The following NNT variants were observed in gnomAD, a reference collection of about 807,000 sequenced individuals.
NNT encodes NAD(P) transhydrogenase, mitochondrial.
Under a neutral mutation model 104.8 loss-of-function variants are expected in NNT, and 50 were observed. The ratio of observed to expected loss-of-function variants is 0.48; its 90% CI spans 0.38 to 0.60. NNT has a LOEUF of 0.60. Among genes scored for constraint, NNT ranks in the 20% least tolerant of loss-of-function variants. The pLI is 0.00. For synonymous variants in NNT, 461 were observed against 490.4 expected (o/e 0.94, Z 0.79); for missense variants, 1,131 against 1,330.7 (o/e 0.85, Z 2.33).
At chr5:43,682,999 C>A (rs1281105913) in intron 19 of NNT, among the ~76,000 whole-genome samples, 5 of 152,162 alleles carry the variant, frequency 3.3e-5, no homozygotes, top group Non-Finnish European at 7.3e-5. Flanking sequence ...CACCAGAGAA[C>A]AGCTGTAACA....
intron 10 of NNT, chr5:43,648,275 G>A: frequency 9.9e-7 from 1 of 1,013,940 alleles, no homozygotes; most frequent in Non-Finnish European, 1.2e-6. Flanking sequence ...CACTTCCAAA[G>A]TAATAGTTTA....
upstream of NNT, chr5:43,602,757 C>T (rs1022949691): frequency 6.6e-6 from 1 of 152,282 alleles, no homozygotes; most frequent in East Asian, 1.9e-4. Context: ...AAGGCAGGTA[C>T]CCGGAGTGGA....
chr5:43,651,930 T>C (rs760511177), intron 13 of NNT, 46 bp downstream of exon 13: 1 of 1,582,798 alleles, frequency 6.3e-7, no homozygotes, highest in Non-Finnish European at 8.7e-7. Context: ...AATATTTTCT[T>C]CTCTATTAGA....
At chr5:43,616,406 A>G (rs542514506) in intron 4 of NNT, among the ~76,000 whole-genome samples, 3 of 152,330 alleles carry the variant, frequency 2.0e-5, no homozygotes, top group East Asian at 3.9e-4. Flanking sequence ...TACTGTTTTT[A>G]TAGGTCAAAA....
rs138514532 is a variant in NNT at position 43,628,294 on chromosome 5, G to C, written c.871G>C (p.Glu291Gln). The part of the protein sequence containing the change: ...SGEGQGGYAK[E>Q]MSKEFIEAEM... Reference sequence around the variant, plus strand: ...TGAGGGACAAGGAGGATATGCAAAAGAGATGTCCAAAGAGTTCATTGAAGC... The same window carrying C: ...TGAGGGACAAGGAGGATATGCAAAACAGATGTCCAAAGAGTTCATTGAAGC... Residue 291 changes from glutamate (E) to glutamine (Q), a missense_variant, in exon 7 of 22, where the codon GAG becomes CAG. By Grantham distance (29) the Glu-to-Gln change is conservative (BLOSUM62 2). Transcript: ENST00000344920. 304 of 1,613,916 alleles carry C rather than the reference G, an allele frequency of 1.9e-4. No homozygotes were observed. The highest frequency in any genetic ancestry group is 2.5e-4 in the Non-Finnish European group (296 of 1,179,964).
At chr5:43,644,445 C>T in intron 8 of NNT, 120 bp downstream of exon 8, 2 of 1,309,020 alleles carry the variant, frequency 1.5e-6, no homozygotes, top group South Asian at 1.4e-5. Flanking sequence ...TAAAAATAGG[C>T]ATATTTAAAG....
chr5:43,692,317 G>A (rs1484679967), intron 19 of NNT, among the ~76,000 whole-genome samples: 1 of 151,968 alleles, frequency 6.6e-6, no homozygotes, highest in Non-Finnish European at 1.5e-5. Context: ...CTGAACATGT[G>A]CTGATTTTTT....
intron 18 of NNT, among the ~76,000 whole-genome samples, chr5:43,677,422 G>GAC (rs1328672628): frequency 1.3e-5 from 2 of 151,158 alleles, no homozygotes; most frequent in African/African-American, 4.9e-5. Flanking sequence ...GAGAGAGAGA[G>GAC]AGAGACAGAG....
intron 17 of NNT, among the ~76,000 whole-genome samples, chr5:43,660,616 C>G (rs1462398637): frequency 6.6e-6 from 1 of 152,174 alleles, no homozygotes; most frequent in African/African-American, 2.4e-5. Context: ...TTAATTGACT[C>G]ACAGCTCCAC....
At chr5:43,608,096 A>G (rs1749320513) in intron 1 of NNT, among the ~76,000 whole-genome samples, 1 of 152,034 alleles carries the variant, frequency 6.6e-6, no homozygotes. Flanking sequence ...AGGGCCGGCT[A>G]ATTTTTATAT....
At chr5:43,658,739 C>G (rs1159759529) in intron 16 of NNT, among the ~76,000 whole-genome samples, 1 of 152,120 alleles carries the variant, frequency 6.6e-6, no homozygotes, top group African/African-American at 2.4e-5. Context: ...TTCCAGCTGC[C>G]TTAGTCATCT....
At chr5:43,681,108 A>C (rs1741685948) in intron 19 of NNT, among the ~76,000 whole-genome samples, 1 of 151,708 alleles carries the variant, frequency 6.6e-6, no homozygotes, top group Admixed American at 6.6e-5. Flanking sequence ...AAAATACAAA[A>C]GATTAGCCAG....
intron 16 of NNT, among the ~76,000 whole-genome samples, chr5:43,658,181 A>T (rs1195095892): frequency 6.6e-6 from 1 of 152,158 alleles, no homozygotes; most frequent in Non-Finnish European, 1.5e-5. Context: ...AACTTTAAGA[A>T]TTGTTGTTTT....
chr5:43,665,589 T>G (rs554294407), intron 17 of NNT, among the ~76,000 whole-genome samples: 5 of 152,334 alleles, frequency 3.3e-5, no homozygotes, highest in African/African-American at 1.2e-4. Context: ...GGCAGAAGAA[T>G]TTTTCTTAGT....
intron 5 of NNT, among the ~76,000 whole-genome samples, chr5:43,619,413 A>T (rs3792916): frequency 0.039 from 5,928 of 152,072 alleles, 149 homozygotes; most frequent in East Asian, 0.12. Context: ...ATTAATTTTT[A>T]AAAAAAACTT....
chr5:43,656,939 G>A (rs895545288), intron 16 of NNT, 126 bp downstream of exon 16: 20 of 836,168 alleles, frequency 2.4e-5, no homozygotes, highest in South Asian at 4.0e-5. Flanking sequence ...TTAAAATTAC[G>A]TCACATGTGC....
intron 15 of NNT, 70 bp from the exon 16 acceptor site, chr5:43,656,583 C>A: frequency 7.3e-7 from 1 of 1,378,606 alleles, no homozygotes; most frequent in South Asian, 1.4e-5. Context: ...GTGTAGAATT[C>A]ACAGAAATGA....
chr5:43,687,181 G>C (rs1742032839), intron 19 of NNT, among the ~76,000 whole-genome samples: 2 of 152,134 alleles, frequency 1.3e-5, no homozygotes, highest in South Asian at 4.1e-4. Flanking sequence ...TTATTGTATA[G>C]TAAGAAGTAG....
At chr5:43,625,224 T>C (rs1366748927) in intron 6 of NNT, among the ~76,000 whole-genome samples, 1 of 152,154 alleles carries the variant, frequency 6.6e-6, no homozygotes, top group Admixed American at 6.5e-5. Flanking sequence ...TGGAAATGTA[T>C]GTATTTGACT....
Sources: gnomAD v4.1 joint callset for allele counts (sites outside exome capture counted in the v4.1 genomes callset) on GRCh38, gnomAD v4.1.1 for gene constraint, MANE v1.5 for transcripts, NCBI Gene and HGNC (gene_info 2026-07-23, HGNC 2026-07-21) for gene names.